The following ADGRL3 variants were observed in gnomAD, a reference collection of about 807,000 sequenced individuals.
ADGRL3 encodes adhesion G protein-coupled receptor L3.
In ADGRL3, 62 loss-of-function variants were observed where a neutral mutation model predicts 153.5. The ratio of observed to expected loss-of-function variants is 0.40; its 90% confidence interval spans 0.33 to 0.50. The LOEUF (loss-of-function observed/expected upper bound fraction) is 0.50, where lower values mean the gene tolerates loss of function less well. Among genes scored for constraint, ADGRL3 ranks in the 20% least tolerant of loss-of-function variants. The pLI, the probability that ADGRL3 is intolerant of heterozygous loss-of-function variation, is 0.47. For missense variants in ADGRL3, 1,641 were observed against 1,859.4 expected, an observed-to-expected ratio of 0.88 and a Z score of 2.16; for synonymous variants, 710 against 672.5, an observed-to-expected ratio of 1.06 and a Z score of -0.86.
At chr4:61,761,600 C>T (rs557625796) in intron 8 of ADGRL3, among the ~76,000 whole-genome samples, 3 of 152,104 alleles carry the variant, frequency 2.0e-5, no homozygotes, top group South Asian at 4.1e-4. Context: ...TCAATACCAG[C>T]CTGAGCAACA....
intron 22 of ADGRL3, among the ~76,000 whole-genome samples, 185 bp from the exon 23 acceptor site, chr4:62,031,257 T>C (rs1302757299): frequency 1.3e-5 from 2 of 151,658 alleles, no homozygotes; most frequent in Non-Finnish European, 3.0e-5. Context: ...TTCATGTATA[T>C]ATCTCCTCAA....
At chr4:61,999,676 G>A (rs983804740) in intron 21 of ADGRL3, among the ~76,000 whole-genome samples, 8 of 152,070 alleles carry the variant, frequency 5.3e-5, no homozygotes, top group African/African-American at 1.9e-4. Flanking sequence ...TACATTCGGT[G>A]CCTGACAGTT....
intron 2 of ADGRL3, among the ~76,000 whole-genome samples, chr4:61,448,330 A>C (rs1378933788): frequency 6.6e-6 from 1 of 152,152 alleles, no homozygotes; most frequent in Non-Finnish European, 1.5e-5. Flanking sequence ...GAGTGGAGAT[A>C]GGAACAATAA....
chr4:61,394,416 C>A (rs562630634), intron 2 of ADGRL3, among the ~76,000 whole-genome samples: 19 of 151,976 alleles, frequency 1.3e-4, no homozygotes, highest in African/African-American at 4.1e-4. Flanking sequence ...TTGAACTGTT[C>A]CCAAAATGCA....
At chr4:61,434,254 G>T (rs2097414540) in intron 2 of ADGRL3, among the ~76,000 whole-genome samples, 1 of 152,048 alleles carries the variant, frequency 6.6e-6, no homozygotes, top group Non-Finnish European at 1.5e-5. Context: ...CTATGATAAT[G>T]AGGTCTGCAA....
At chr4:61,211,513 A>C (rs573995656) in intron 1 of ADGRL3, 1 of 152,358 alleles carries the variant, frequency 6.6e-6, no homozygotes, top group South Asian at 2.1e-4. Flanking sequence ...TGTTGTTCAC[A>C]CAAAAAGAAA....
chr4:61,993,050 A>G (rs545146432), intron 19 of ADGRL3, among the ~76,000 whole-genome samples: 1 of 152,196 alleles, frequency 6.6e-6, no homozygotes, highest in African/African-American at 2.4e-5. Flanking sequence ...ATTAGCTTTC[A>G]AAAACTTATT....
chr4:61,664,661 A>C (rs2094720174), intron 5 of ADGRL3, among the ~76,000 whole-genome samples: 2 of 152,224 alleles, frequency 1.3e-5, no homozygotes, highest in Admixed American at 1.3e-4. Context: ...ACTATACACT[A>C]AAATGCCTCA....
intron 8 of ADGRL3, among the ~76,000 whole-genome samples, chr4:61,763,308 C>T (rs2096935479): frequency 1.3e-5 from 2 of 151,752 alleles, no homozygotes; most frequent in South Asian, 2.1e-4. Context: ...CTACCTCAGC[C>T]TCCCAAGTAG....
chr4:61,329,899 C>T (rs1271973203), intron 1 of ADGRL3, among the ~76,000 whole-genome samples: 3 of 152,126 alleles, frequency 2.0e-5, no homozygotes, highest in Non-Finnish European at 4.4e-5. Context: ...AAACACACCT[C>T]AGAAAACCTA....
chr4:61,821,861 G>T (rs1470721), intron 9 of ADGRL3, among the ~76,000 whole-genome samples: 1 of 152,126 alleles, frequency 6.6e-6, no homozygotes, highest in East Asian at 1.9e-4. Context: ...AAATAAGCAG[G>T]TGGTTCTGCC....
At position 62,044,031 on chromosome 4, in the gene ADGRL3, T is replaced by G. The variant is rs150610342; in HGVS notation, c.3718-422T>G. On this transcript the variant is annotated intron_variant, in intron 24 of 26. Transcript: ENST00000683033. ...CAAGATTCTGATTTCTTAAACTAAA[T>G]CTTTTGTTAGAACTGGCAATTTAAT... Among the ~76,000 whole-genome samples, 575 of 152,132 alleles carry G rather than the reference T, an allele frequency of 3.8e-3. 4 individuals carry two copies. The highest frequency in any genetic ancestry group is 0.013 in the African/African-American group (556 of 41,558).
In ADGRL3 at chr4:61,733,037, G is replaced by A; in HGVS notation, c.882G>A (p.Arg294=). The change falls in exon 8 of 27, where the codon AGG becomes AGA. Residue 294 remains arginine (R), a synonymous_variant. Transcript: ENST00000683033. ...GALFFNKERT[R]NIVKFDLRTR... ...TGTTCTTCAACAAAGAGCGCACCAG[G>A]AACATAGTAAAGTTTGATTTGCGGA... 2 of 1,613,720 alleles carry A rather than the reference G, an allele frequency of 1.2e-6. No individual in the cohort carries two copies. The highest frequency in any genetic ancestry group is 1.7e-6 in the Non-Finnish European group (2 of 1,179,836).
chr4:61,824,634 C>T (rs1419455818), intron 9 of ADGRL3, among the ~76,000 whole-genome samples: 1 of 152,104 alleles, frequency 6.6e-6, no homozygotes, highest in Non-Finnish European at 1.5e-5. Context: ...AGTAAGAGGT[C>T]TGCCTTGACC....
At chr4:62,014,196 T>A (rs867955872) in intron 21 of ADGRL3, among the ~76,000 whole-genome samples, 3 of 152,070 alleles carry the variant, frequency 2.0e-5, no homozygotes, top group African/African-American at 7.2e-5. Context: ...ACTGGGGAAA[T>A]CATGATCTGG....
intron 1 of ADGRL3, among the ~76,000 whole-genome samples, chr4:61,235,609 A>G (rs1287799001): frequency 6.6e-6 from 1 of 152,204 alleles, no homozygotes; most frequent in Admixed American, 6.5e-5. Context: ...GAGTATCACC[A>G]AACCTGAAAG....
chr4:61,315,271 C>G (rs1219994074), intron 1 of ADGRL3, among the ~76,000 whole-genome samples: 1 of 152,098 alleles, frequency 6.6e-6, no homozygotes, highest in Non-Finnish European at 1.5e-5. Flanking sequence ...GTCCATAGGT[C>G]CCCTTACTTA....
chr4:61,796,062 C>T (rs2097407416), intron 8 of ADGRL3, among the ~76,000 whole-genome samples: 1 of 152,050 alleles, frequency 6.6e-6, no homozygotes. Flanking sequence ...GGGCTGGTCT[C>T]GAACTCCTGA....
At chr4:61,433,356 CT>C (rs77395683) in intron 2 of ADGRL3, among the ~76,000 whole-genome samples, 9 of 101,826 alleles carry the variant, frequency 8.8e-5, no homozygotes, top group African/African-American at 2.8e-4. Context: ...CTGTGAATAG[CT>C]TTTTTTTTAA....
Sources: gnomAD v4.1 joint callset for allele counts (sites outside exome capture counted in the v4.1 genomes callset) on GRCh38, gnomAD v4.1.1 for gene constraint, MANE v1.5 for transcripts, NCBI Gene and HGNC (gene_info 2026-07-23, HGNC 2026-07-21) for gene names.